STK32B: variants seen among roughly 807,000 people sequenced by gnomAD.
STK32B encodes serine/threonine-protein kinase 32B.
A neutral mutation model predicts 52.6 loss-of-function variants in STK32B; 43 were observed. The observed-to-expected ratio is 0.82, with a 90% CI of 0.64 to 1.05. The LOEUF (loss-of-function observed/expected upper bound fraction) is 1.05, where lower values mean the gene tolerates loss of function less well. STK32B is among the 50% of genes least tolerant of loss of function. The pLI is 0.00. For synonymous variants in STK32B, 238 were observed against 204.3 expected, an observed-to-expected ratio of 1.17 and a Z score of -1.41; for missense variants, 621 against 534.6, an observed-to-expected ratio of 1.16 and a Z score of -1.59.
chr4:5,278,431 CAG>C (rs146148834), intron 3 of STK32B, among the ~76,000 whole-genome samples: 167 of 152,176 alleles, frequency 1.1e-3, no homozygotes, highest in African/African-American at 3.6e-3. Context: ...CCTTGTGAGA[CAG>C]GGAGTATGAA....
chr4:5,288,324 T>G lies in STK32B; in HGVS notation c.261-42896T>G, dbSNP rs1305712805. On this transcript the variant is annotated intron_variant, in intron 3 of 11. Transcript: ENST00000282908. Reference sequence around the variant, plus strand: ...TGAAGAATTGCCAGACTTTTCTGACTGTTTTTACAGTGGTTAAACCATTTT... The same window carrying G: ...TGAAGAATTGCCAGACTTTTCTGACGGTTTTTACAGTGGTTAAACCATTTT... Among the ~76,000 whole-genome samples, 6 of 152,336 alleles carry G rather than the reference T, an allele frequency of 3.9e-5. No homozygotes were observed. In the South Asian group the frequency reaches 1.2e-3, roughly 32 times the overall value.
intron 3 of STK32B, among the ~76,000 whole-genome samples, chr4:5,173,957 C>G (rs904999235): frequency 2.0e-5 from 3 of 152,160 alleles, no homozygotes; most frequent in Non-Finnish European, 4.4e-5. Flanking sequence ...TTGTAGGTCA[C>G]TAAGGACTTG....
At chr4:5,439,743 C>T (rs1007308397) in intron 6 of STK32B, among the ~76,000 whole-genome samples, 14 of 152,204 alleles carry the variant, frequency 9.2e-5, no homozygotes, top group African/African-American at 2.6e-4. Flanking sequence ...TTAGGTCTAA[C>T]GTTTAAGTCT....
intron 4 of STK32B, among the ~76,000 whole-genome samples, chr4:5,347,000 CTA>C (rs1269133494): frequency 2.6e-5 from 4 of 152,158 alleles, no homozygotes; most frequent in African/African-American, 9.7e-5. Context: ...AACCCACGTA[CTA>C]TCATGAGAAC....
upstream of STK32B, among the ~76,000 whole-genome samples, chr4:5,047,954 T>G (rs1741650526): frequency 6.6e-6 from 1 of 151,980 alleles, no homozygotes; most frequent in African/African-American, 2.4e-5. Context: ...AGAGAAGAAA[T>G]GACACAGGGA....
intron 3 of STK32B, among the ~76,000 whole-genome samples, chr4:5,291,313 A>G (rs911299828): frequency 4.6e-5 from 7 of 152,092 alleles, no homozygotes; most frequent in African/African-American, 1.7e-4. Flanking sequence ...TCATTTATGT[A>G]TATCTTATTT....
At chr4:5,368,615 A>C (rs1735027560) in intron 4 of STK32B, among the ~76,000 whole-genome samples, 1 of 152,206 alleles carries the variant, frequency 6.6e-6, no homozygotes, top group South Asian at 2.1e-4. Context: ...ATGTAAACCC[A>C]GGTAGCCTTG....
At chr4:5,337,978 G>A (rs1732817694) in intron 4 of STK32B, among the ~76,000 whole-genome samples, 1 of 152,140 alleles carries the variant, frequency 6.6e-6, no homozygotes, top group African/African-American at 2.4e-5. Flanking sequence ...CAGTCTCCAG[G>A]GAAAGCCTGG....
At chr4:5,489,974 A>G (rs1719573872) in intron 11 of STK32B, among the ~76,000 whole-genome samples, 1 of 152,166 alleles carries the variant, frequency 6.6e-6, no homozygotes, top group Non-Finnish European at 1.5e-5. Flanking sequence ...AAGATCTTGT[A>G]GTTTTTATTT....
chr4:5,119,737 A>G (rs768511224), intron 1 of STK32B, among the ~76,000 whole-genome samples: 5 of 152,270 alleles, frequency 3.3e-5, no homozygotes, highest in Non-Finnish European at 7.3e-5. Context: ...GCTTATAAAC[A>G]TGAGGAAGGA....
intron 3 of STK32B, among the ~76,000 whole-genome samples, chr4:5,313,889 C>G (rs1730480671): frequency 6.6e-6 from 1 of 152,142 alleles, no homozygotes; most frequent in Non-Finnish European, 1.5e-5. Flanking sequence ...AACATTTACA[C>G]TATTTATTTG....
intron 3 of STK32B, among the ~76,000 whole-genome samples, chr4:5,265,250 G>C (rs1159590656): frequency 6.6e-6 from 1 of 152,196 alleles, no homozygotes; most frequent in Admixed American, 6.5e-5. Context: ...TACACCACCT[G>C]ACAGGTGAGA....
intron 1 of STK32B, among the ~76,000 whole-genome samples, chr4:5,067,598 A>G (rs906898780): frequency 2.6e-5 from 4 of 152,152 alleles, no homozygotes; most frequent in African/African-American, 9.7e-5. Flanking sequence ...AATACCTACT[A>G]TGGGCCAAAC....
chr4:5,296,458 C>T (rs1196750544), intron 3 of STK32B, among the ~76,000 whole-genome samples: 1 of 152,160 alleles, frequency 6.6e-6, no homozygotes, highest in Non-Finnish European at 1.5e-5. Flanking sequence ...GTATTGGGTG[C>T]ATATATATTT....
chr4:5,136,702 T>G (rs1361447173), intron 1 of STK32B, among the ~76,000 whole-genome samples: 1 of 152,228 alleles, frequency 6.6e-6, no homozygotes, highest in Admixed American at 6.5e-5. Context: ...AGTATGATTC[T>G]AGGACCCATT....
chr4:5,440,128 C>A (rs962575630), intron 6 of STK32B, among the ~76,000 whole-genome samples: 11 of 151,968 alleles, frequency 7.2e-5, no homozygotes, highest in Non-Finnish European at 1.5e-5. Flanking sequence ...TAGTTTTTTC[C>A]AATTCTGTGA....
At chr4:5,313,241 A>G (rs1730433501) in intron 3 of STK32B, among the ~76,000 whole-genome samples, 1 of 152,166 alleles carries the variant, frequency 6.6e-6, no homozygotes, top group East Asian at 1.9e-4. Context: ...TTTTTAAGGC[A>G]GTCAATGTAA....
At chr4:5,287,462 A>G (rs1001001942) in intron 3 of STK32B, among the ~76,000 whole-genome samples, 1 of 150,692 alleles carries the variant, frequency 6.6e-6, no homozygotes, top group Non-Finnish European at 1.5e-5. Flanking sequence ...TTTTCAGTTT[A>G]AGTCGATGAA....
chr4:5,385,028 G>C (rs771799687), intron 4 of STK32B, among the ~76,000 whole-genome samples: 1 of 152,084 alleles, frequency 6.6e-6, no homozygotes, highest in African/African-American at 2.4e-5. Flanking sequence ...TGAAACCCTC[G>C]AGTCGTGGTG....
Sources: gnomAD v4.1 joint callset for allele counts (sites outside exome capture counted in the v4.1 genomes callset) on GRCh38, gnomAD v4.1.1 for gene constraint, MANE v1.5 for transcripts, NCBI Gene and HGNC (gene_info 2026-07-23, HGNC 2026-07-21) for gene names.